VMP1: variants seen among roughly 807,000 people sequenced by gnomAD.
VMP1 encodes the protein ectopic P-granules autophagy protein 3 homolog.
Under a neutral mutation model 56.0 loss-of-function variants are expected in VMP1, and 11 were observed. The ratio of observed to expected loss-of-function variants is 0.20; its 90% CI spans 0.12 to 0.32. The LOEUF (loss-of-function observed/expected upper bound fraction) is 0.32, where lower values mean the gene tolerates loss of function less well. VMP1 is among the 10% of genes least tolerant of loss of function. The pLI is 1.00. For missense variants in VMP1, 296 were observed against 490.3 expected (o/e 0.60, Z 3.74); for synonymous variants, 149 against 165.0 (o/e 0.90, Z 0.74).
At chr17:59,820,069 A>G (rs1444695015) in intron 10 of VMP1, among the ~76,000 whole-genome samples, 1 of 152,206 alleles carries the variant, frequency 6.6e-6, no homozygotes, top group Non-Finnish European at 1.5e-5. Context: ...ATCTGAGCAT[A>G]TCATCACCAC....
intron 1 of VMP1, among the ~76,000 whole-genome samples, chr17:59,713,532 G>A (rs908249478): frequency 1.3e-5 from 2 of 151,966 alleles, no homozygotes; most frequent in Non-Finnish European, 2.9e-5. Context: ...GATAGGGAGA[G>A]GAGAGGGCCA....
At chr17:59,819,882 A>G (rs1329360753) in intron 10 of VMP1, among the ~76,000 whole-genome samples, 1 of 152,174 alleles carries the variant, frequency 6.6e-6, no homozygotes, top group African/African-American at 2.4e-5. Context: ...ACATTTATAG[A>G]AAGAAGTTTT....
intron 7 of VMP1, among the ~76,000 whole-genome samples, chr17:59,781,462 A>T (rs1016944944): frequency 6.6e-6 from 1 of 152,186 alleles, no homozygotes; most frequent in Non-Finnish European, 1.5e-5. Flanking sequence ...CCTTTTTCAC[A>T]GTATCATAGA....
intron 1 of VMP1, among the ~76,000 whole-genome samples, chr17:59,716,608 A>G (rs1049040474): frequency 6.6e-6 from 1 of 152,146 alleles, no homozygotes; most frequent in Non-Finnish European, 1.5e-5. Context: ...CCGACTTGCT[A>G]TTTGGGGCCC....
At chr17:59,812,552 T>A (rs1458746127) in intron 9 of VMP1, among the ~76,000 whole-genome samples, 1 of 152,180 alleles carries the variant, frequency 6.6e-6, no homozygotes, top group Non-Finnish European at 1.5e-5. Context: ...TAAGGGCAGA[T>A]CTCAATAGAA....
intron 7 of VMP1, among the ~76,000 whole-genome samples, chr17:59,805,003 T>C (rs1239345532): frequency 2.0e-5 from 3 of 152,166 alleles, no homozygotes; most frequent in Admixed American, 6.5e-5. Context: ...ATAATAAAAT[T>C]TGTGAAATCC....
intron 5 of VMP1, among the ~76,000 whole-genome samples, chr17:59,743,057 G>A (rs1008342100): frequency 6.6e-6 from 1 of 151,948 alleles, no homozygotes; most frequent in East Asian, 1.9e-4. Flanking sequence ...TTAACATATT[G>A]TATTAGTGTA....
chr17:59,785,689 CA>C (rs375607560), intron 7 of VMP1, among the ~76,000 whole-genome samples: 2,132 of 59,164 alleles, frequency 0.036, 16 homozygotes, highest in Non-Finnish European at 0.05. Flanking sequence ...GATTCCATCT[CA>C]AAAAAAAAAA....
At chr17:59,726,483 G>A (rs1005308240) in intron 1 of VMP1, among the ~76,000 whole-genome samples, 5 of 151,936 alleles carry the variant, frequency 3.3e-5, no homozygotes, top group Non-Finnish European at 5.9e-5. Flanking sequence ...TAGTAGAGAC[G>A]GGGTTTCGCC....
chr17:59,755,671 A>G (rs749519608), intron 5 of VMP1, among the ~76,000 whole-genome samples: 110 of 152,184 alleles, frequency 7.2e-4, no homozygotes, highest in Non-Finnish European at 1.2e-3. Context: ...GAAAACTGAA[A>G]TCCACATTAA....
At chr17:59,759,231 G>T (rs761084611) in intron 5 of VMP1, among the ~76,000 whole-genome samples, 19 of 152,074 alleles carry the variant, frequency 1.2e-4, no homozygotes, top group Non-Finnish European at 2.6e-4. Context: ...AAAATTAGCT[G>T]GGTGTGGTGG....
At chr17:59,749,487 C>T (rs1403237241) in intron 5 of VMP1, among the ~76,000 whole-genome samples, 15 of 151,684 alleles carry the variant, frequency 9.9e-5, no homozygotes, top group Non-Finnish European at 2.1e-4. Context: ...CAACTTTCAC[C>T]GGTACTGAAG....
At chr17:59,830,137 G>C (rs892395508) in intron 10 of VMP1, among the ~76,000 whole-genome samples, 1 of 152,156 alleles carries the variant, frequency 6.6e-6, no homozygotes, top group African/African-American at 2.4e-5. Flanking sequence ...GCGGGGACAG[G>C]GGCTAGCTCT....
In VMP1 at chr17:59,811,881, T is replaced by C. The variant is rs1033922636; in HGVS notation, c.912+95T>C. The C allele has an allele frequency of 3.3e-6, 3 of 922,312 alleles. No individual in the cohort carries two copies. The African/African-American group carries it at 5.0e-5, about 15-fold the overall frequency. The allele number at this position is 922,312 out of a possible 1,614,324, so 57.1% of individuals were successfully genotyped here. A position where few individuals can be genotyped will look rare whatever the true frequency, so the allele number is the denominator to read the frequency against. ...CCTAAGTGAATTATTTAGTTATTCT[T>C]TCTGCTTTTTTGGTTGGTAGCTTAC... On this transcript the variant is annotated intron_variant, in intron 9 of 11. Coordinates refer to ENST00000262291, the MANE Select transcript of VMP1 (RefSeq NM_030938.5).
intron 10 of VMP1, 95 bp from the exon 11 acceptor site, chr17:59,838,200 T>C: frequency 3.3e-6 from 3 of 920,710 alleles, no homozygotes; most frequent in Non-Finnish European, 5.0e-6. Context: ...TCCCTGCCTT[T>C]TGAGTCCAGG....
intron 2 of VMP1, among the ~76,000 whole-genome samples, chr17:59,733,023 G>T (rs1318544546): frequency 6.6e-6 from 1 of 152,002 alleles, no homozygotes; most frequent in Non-Finnish European, 1.5e-5. Context: ...TTAAAAATTT[G>T]CTGGATGTGA....
At position 59,777,315 on chromosome 17, in the gene VMP1, TA is replaced by T. The variant is rs567239381; in HGVS notation, c.714+3432del. ...AACTAGCATGTTCTTCATTCACAATTAATTAACTGAATATAGGATTGTGGGT... is the reference window on the plus strand; with the variant it reads ...AACTAGCATGTTCTTCATTCACAATTATTAACTGAATATAGGATTGTGGGT... On this transcript the variant is annotated intron_variant, in intron 7 of 11. Coordinates refer to ENST00000262291, the MANE Select transcript of VMP1 (RefSeq NM_030938.5). Among the ~76,000 whole-genome samples the T allele has an allele frequency of 9.8e-4, 149 of 152,346 alleles. 1 individual carries two copies. Among genetic ancestry groups the T allele is most frequent in the African/African-American group, 3.5e-3 (144 of 41,582 alleles).
At chr17:59,772,164 G>A (rs142145244) in intron 6 of VMP1, among the ~76,000 whole-genome samples, 1 of 151,766 alleles carries the variant, frequency 6.6e-6, no homozygotes, top group African/African-American at 2.4e-5. Flanking sequence ...CTAATTTTTT[G>A]TATTTTAGTA....
At chr17:59,726,296 T>TG (rs2034600283) in intron 1 of VMP1, among the ~76,000 whole-genome samples, 1 of 151,404 alleles carries the variant, frequency 6.6e-6, no homozygotes, top group South Asian at 2.1e-4. Flanking sequence ...TTTTTGTTTT[T>TG]TTTTTTGTTT....
Sources: allele counts gnomAD v4.1 joint callset (sites outside exome capture counted in the v4.1 genomes callset), GRCh38; gene constraint gnomAD v4.1.1; transcripts MANE v1.5; gene names NCBI Gene and HGNC (gene_info 2026-07-23, HGNC 2026-07-21).